Variants in TRIO observed in about 807,000 individuals in gnomAD.
TRIO encodes the protein trio Rho guanine nucleotide exchange factor, also known as triple functional domain protein.
Under a neutral mutation model 351.9 loss-of-function variants are expected in TRIO, and 58 were observed. The observed-to-expected ratio is 0.16, with a 90% CI of 0.13 to 0.21. The LOEUF is 0.21. Among genes scored for constraint, TRIO ranks in the 10% least tolerant of loss-of-function variants. The probability of loss-of-function intolerance (pLI) is 1.00; values close to 1 mark genes in which losing one functional copy is unlikely to be tolerated. For synonymous variants in TRIO, 1,758 were observed against 1,595.7 expected (o/e 1.10, Z -2.42); for missense variants, 3,201 against 4,027.8 (o/e 0.79, Z 5.56).
At chr5:14,411,491 T>C (rs771377057) in intron 33 of TRIO, among the ~76,000 whole-genome samples, 10 of 151,898 alleles carry the variant, frequency 6.6e-5, no homozygotes, top group South Asian at 2.1e-4. Context: ...ATGTTTCTTA[T>C]TTCTAATGAG....
At chr5:14,418,890 A>C (rs756063743) in intron 33 of TRIO, 2 of 152,208 alleles carry the variant, frequency 1.3e-5, no homozygotes, top group Non-Finnish European at 2.9e-5. Flanking sequence ...TGTCTAAGGG[A>C]ACACACACCA....
rs149003423 is a variant in TRIO at position 14,447,895 on chromosome 5, G to T, written c.5204-13124G>T. On this transcript the variant is annotated intron_variant, in intron 34 of 56. Coordinates refer to ENST00000344204, the MANE Select transcript of TRIO (RefSeq NM_007118.4). Reference sequence around the variant, plus strand: ...GGCAGACTCAGATGGACAGAAGGGTGTGTGAGCACCGTGGGACTGCTTATT... The same window carrying T: ...GGCAGACTCAGATGGACAGAAGGGTTTGTGAGCACCGTGGGACTGCTTATT... Among the ~76,000 whole-genome samples, 28 of 152,336 alleles carry T rather than the reference G, an allele frequency of 1.8e-4. No homozygotes were observed. The East Asian group carries it at 5.0e-3, about 27-fold the overall frequency.
intron 40 of TRIO, 82 bp from the exon 41 acceptor site, chr5:14,476,805 AAAAAAAG>A: frequency 8.4e-7 from 1 of 1,187,888 alleles, no homozygotes; most frequent in Non-Finnish European, 1.2e-6. Flanking sequence ...AAAAAAAAAG[AAAAAAAG>A]AAAAAGAAAA....
Position 14,508,086 on chromosome 5 carries a change from T to G in TRIO, c.8958T>G (p.Leu2986=), listed in dbSNP as rs1367665309. 4 of 1,614,082 alleles carry G rather than the reference T, an allele frequency of 2.5e-6. No homozygotes were observed. In the East Asian group the frequency reaches 6.7e-5, roughly 27 times the overall value. Residue 2986 remains leucine, a synonymous_variant, in exon 57 of 57, where the codon CTT becomes CTG. Coordinates refer to ENST00000344204, the MANE Select transcript of TRIO (RefSeq NM_007118.4). ...TTGGAGTGCTCACATACGTACTTCT[T>G]AGTGGCGTGTCCCCCTTCCTGGATG... The part of the protein sequence containing the change: ...WSVGVLTYVL[L]SGVSPFLDDS...
Position 14,488,140 on chromosome 5 carries a change from G to T in TRIO, c.7512G>T (p.Gly2504=). 1 of 1,608,104 alleles carries T rather than the reference G, an allele frequency of 6.2e-7. No individual in the cohort carries two copies. The highest frequency in any genetic ancestry group is 8.5e-7 in the Non-Finnish European group (1 of 1,179,510). ...GACCCGGCTCCTTCACCTTCCCGGGGGACAGCGACTCCCTCCAGCGGCAGA... is the reference window on the plus strand; with the variant it reads ...GACCCGGCTCCTTCACCTTCCCGGGTGACAGCGACTCCCTCCAGCGGCAGA... The part of the protein sequence containing the change: ...ASRPGSFTFP[G]DSDSLQRQTP... Residue 2504 remains glycine, a synonymous_variant, in exon 48 of 57, where the codon GGG becomes GGT. Coordinates refer to ENST00000344204, the MANE Select transcript of TRIO (RefSeq NM_007118.4).
chr5:14,147,167 G>A (rs1445101581), intron 1 of TRIO, among the ~76,000 whole-genome samples: 1 of 152,010 alleles, frequency 6.6e-6, no homozygotes. Flanking sequence ...GAAAAAAAAA[G>A]ACACCACAAA....
chr5:14,273,767 C>G (rs185685141), intron 2 of TRIO, among the ~76,000 whole-genome samples: 3 of 152,282 alleles, frequency 2.0e-5, no homozygotes, highest in Admixed American at 1.3e-4. Flanking sequence ...CATATAATGT[C>G]AACTATTAGT....
At chr5:14,280,759 G>T (rs1457188928) in intron 3 of TRIO, among the ~76,000 whole-genome samples, 1 of 152,210 alleles carries the variant, frequency 6.6e-6, no homozygotes, top group Non-Finnish European at 1.5e-5. Context: ...AGGCCTGGGT[G>T]ATCAGAATTG....
intron 55 of TRIO, among the ~76,000 whole-genome samples, chr5:14,505,461 T>C (rs1757607423): frequency 6.6e-6 from 1 of 152,236 alleles, no homozygotes; most frequent in Admixed American, 6.5e-5. Flanking sequence ...TAAAACCTTT[T>C]GTCACCATTT....
chr5:14,451,767 C>T (rs994199706), intron 34 of TRIO, among the ~76,000 whole-genome samples: 2 of 152,232 alleles, frequency 1.3e-5, no homozygotes, highest in Non-Finnish European at 2.9e-5. Context: ...TCTTTAAATC[C>T]TTACAACTAG....
chr5:14,246,648 G>T (rs907373840), intron 1 of TRIO, among the ~76,000 whole-genome samples: 1 of 152,190 alleles, frequency 6.6e-6, no homozygotes, highest in Non-Finnish European at 1.5e-5. Context: ...CAGGGAAGGG[G>T]CTGTATTTCT....
chr5:14,239,093 G>A (rs1466372940), intron 1 of TRIO, among the ~76,000 whole-genome samples: 1 of 152,058 alleles, frequency 6.6e-6, no homozygotes, highest in African/African-American at 2.4e-5. Flanking sequence ...TGTGCCCAGG[G>A]TGTTTTTTAT....
At chr5:14,457,449 C>T (rs1753435608) in intron 34 of TRIO, among the ~76,000 whole-genome samples, 2 of 141,224 alleles carry the variant, frequency 1.4e-5, no homozygotes, top group Non-Finnish European at 3.0e-5. Flanking sequence ...AATGCTTAAC[C>T]TGCCAGGTAA....
At chr5:14,297,381 C>T in intron 7 of TRIO, 118 bp downstream of exon 7, 1 of 1,222,428 alleles carries the variant, frequency 8.2e-7, no homozygotes, top group Non-Finnish European at 1.1e-6. Context: ...CGCATGTGAG[C>T]TCTGAAGTCA....
At chr5:14,430,497 T>C (rs542453466) in intron 34 of TRIO, among the ~76,000 whole-genome samples, 3 of 152,270 alleles carry the variant, frequency 2.0e-5, no homozygotes, top group Admixed American at 1.3e-4. Flanking sequence ...AAAATAGCTT[T>C]CATGGTGCCC....
chr5:14,316,663 C>A lies in TRIO; in HGVS notation c.1651C>A (p.Leu551Met). The A allele has an allele frequency of 6.2e-7, 1 of 1,614,196 alleles. No individual in the cohort carries two copies. The highest frequency in any genetic ancestry group is 8.5e-7 in the Non-Finnish European group (1 of 1,180,050). The part of the protein sequence containing the change: ...IHEVLHHQRQ[L>M]ENIWQHRKVR... ...CGAGGTGCTGCACCACCAGCGGCAG[C>A]TGGAGAACATCTGGCAACACCGCAA... is the stretch of plus-strand genomic sequence containing the variant. Residue 551 changes from leucine (L) to methionine (M), a missense_variant, in exon 9 of 57, where the codon CTG (leucine) becomes ATG (methionine). Transcript: ENST00000344204.
chr5:14,190,997 C>T (rs914947797), intron 1 of TRIO, among the ~76,000 whole-genome samples: 1 of 152,172 alleles, frequency 6.6e-6, no homozygotes, highest in Non-Finnish European at 1.5e-5. Flanking sequence ...TAATTAATAA[C>T]TAGCGCAGCG....
chr5:14,467,333 T>C (rs756784734), intron 37 of TRIO, among the ~76,000 whole-genome samples: 70 of 152,176 alleles, frequency 4.6e-4, no homozygotes, highest in Non-Finnish European at 8.8e-4. Context: ...CAACCTCTAA[T>C]GAAACTGGTT....
At chr5:14,175,031 A>T (rs931697291) in intron 1 of TRIO, among the ~76,000 whole-genome samples, 26 of 126,150 alleles carry the variant, frequency 2.1e-4, no homozygotes, top group Admixed American at 1.5e-4. Context: ...ATATTACTTT[A>T]AAATCTTTTG....
Sources: allele counts gnomAD v4.1 joint callset (sites outside exome capture counted in the v4.1 genomes callset), GRCh38; gene constraint gnomAD v4.1.1; transcripts MANE v1.5; gene names NCBI Gene and HGNC (gene_info 2026-07-23, HGNC 2026-07-21).